ZNF687: variants seen among roughly 807,000 people sequenced by gnomAD.
The protein encoded by ZNF687 is zinc finger protein 687.
ZNF687 carries 13 observed loss-of-function variants against 71.8 expected under a neutral mutation model. The observed-to-expected ratio is 0.18, with a 90% CI of 0.12 to 0.29. The LOEUF is 0.29. ZNF687 is among the 10% of genes least tolerant of loss of function. ZNF687 has a pLI of 1.00. For missense variants in ZNF687, 1,412 were observed against 1,625.6 expected (o/e 0.87, Z 2.26); for synonymous variants, 673 against 641.6 (o/e 1.05, Z -0.74).
rs1694027960 is a variant in ZNF687 at position 151,287,985 on chromosome 1, A to G, written c.1694A>G (p.His565Arg). 6.2e-7 allele frequency: 1 copy of G among 1,613,924 alleles called. No individual in the cohort carries two copies. The highest frequency in any genetic ancestry group is 1.1e-5 in the South Asian group (1 of 91,078). The change falls in exon 2 of 9, where the codon CAC becomes CGC. Residue 565 changes from histidine to arginine, a missense_variant. Transcript: ENST00000336715. This position sits in a 1 kb window ranked among gnomAD's most constrained non-coding sequence, Gnocchi z 5.0. ...RSMRIEVTCN[H>R]CARRLVFFNK... ...ATGCGCATCGAGGTCACCTGCAACC[A>G]CTGCGCCCGCCGCCTGGTCTTCTTC...
At chr1:151,284,799 TGTC>T (rs1248708935) in intron 1 of ZNF687, among the ~76,000 whole-genome samples, 11 of 145,420 alleles carry the variant, frequency 7.6e-5, no homozygotes, top group South Asian at 2.2e-4. Flanking sequence ...TGCCTTGTCT[TGTC>T]TTTTTTTTTT....
Position 151,290,729 on chromosome 1 carries a change from ACGC to A in ZNF687, c.3239_3241del (p.Arg1080del), listed in dbSNP as rs1213049598. 1 of 1,603,776 alleles carries A rather than the reference ACGC, an allele frequency of 6.2e-7. No homozygotes were observed. Among genetic ancestry groups the A allele is most frequent in the Admixed American group, 1.7e-5 (1 of 58,850 alleles). On this transcript the variant is annotated inframe_deletion, in exon 9 of 9. Transcript: ENST00000336715. Reference sequence around the variant, plus strand: ...CTTTTCTTCAGGGGCCAGGTCGGAAACGCCGCCAGTCTTCTGACTCTTGCAGTG... The same window carrying A: ...CTTTTCTTCAGGGGCCAGGTCGGAAACGCCAGTCTTCTGACTCTTGCAGTG...
chr1:151,281,998 T>C, upstream of ZNF687: 1 of 1,234,734 alleles, frequency 8.1e-7, no homozygotes, highest in South Asian at 1.3e-5. Context: ...CTGGCTTCTT[T>C]CTAAGCGACA....
chr1:151,288,794 C>A, intron 3 of ZNF687, 88 bp downstream of exon 3: 1 of 1,396,428 alleles, frequency 7.2e-7, no homozygotes, highest in Non-Finnish European at 9.8e-7. Context: ...CCCTATCTTC[C>A]CTGCTATATC....
chr1:151,288,974 C>A, intron 3 of ZNF687, 121 bp from the exon 4 acceptor site: 1 of 1,154,904 alleles, frequency 8.7e-7, no homozygotes. Flanking sequence ...CCACCCTGCT[C>A]ATGCTCCACT....
At chr1:151,284,028 G>A (rs1557766358) in intron 1 of ZNF687, 1 of 985,426 alleles carries the variant, frequency 1.0e-6, no homozygotes, top group Non-Finnish European at 1.2e-6. Context: ...CTCTGAGCTG[G>A]CCTGCTTGTT....
At chr1:151,288,795 C>T (rs993617024) in intron 3 of ZNF687, 89 bp downstream of exon 3, 2 of 1,398,242 alleles carry the variant, frequency 1.4e-6, no homozygotes, top group Admixed American at 4.2e-5. Context: ...CCTATCTTCC[C>T]TGCTATATCC....
At chr1:151,284,230 C>A (rs951692028) in intron 1 of ZNF687, 1 of 985,152 alleles carries the variant, frequency 1.0e-6, no homozygotes, top group Non-Finnish European at 1.2e-6. Context: ...GGGAGCCTGG[C>A]TTTTTCCCAC....
intron 1 of ZNF687, chr1:151,283,798 C>T (rs1693833655): frequency 1.0e-6 from 1 of 984,954 alleles, no homozygotes; most frequent in Non-Finnish European, 1.2e-6. Flanking sequence ...TTTGGTTTTG[C>T]CCCCACCCCA....
chr1:151,282,486 T>G, intron 1 of ZNF687, 91 bp downstream of exon 1: 5 of 888,080 alleles, frequency 5.6e-6, no homozygotes, highest in Non-Finnish European at 5.4e-6. Flanking sequence ...CTTGGTCAAC[T>G]ACCCCCTTCT....
chr1:151,283,278 C>T (rs753649162), intron 1 of ZNF687: 1 of 985,340 alleles, frequency 1.0e-6, no homozygotes, highest in Non-Finnish European at 1.2e-6. Context: ...CCGCCAGCCC[C>T]TCGCCCTCCT....
rs753652666 is a variant in ZNF687 at position 151,289,544 on chromosome 1, C to T, written c.2634+4C>T. The stretch of plus-strand genomic sequence containing the variant: ...GACCATGCTGGAACATCTCAAGGTA[C>T]AGGAGCAGAGGGATGGGGAATGGGT... On this transcript the variant is annotated splice_donor_region_variant and intron_variant, in intron 5 of 8. Transcript: ENST00000336715. The T allele has an allele frequency of 1.2e-6, 2 of 1,613,968 alleles. No homozygotes were observed. Among genetic ancestry groups the T allele is most frequent in the Non-Finnish European group, 8.5e-7 (1 of 1,180,054 alleles).
At chr1:151,290,392 G>C (rs1694175524) in intron 7 of ZNF687, 40 bp from the exon 8 acceptor site, 1 of 1,613,358 alleles carries the variant, frequency 6.2e-7, no homozygotes, top group African/African-American at 1.3e-5. Flanking sequence ...CTGGCCTTCG[G>C]GCTGTGCCGC....
chr1:151,288,202 G>T lies in ZNF687; in HGVS notation c.1911G>T (p.Glu637Asp), dbSNP rs747808064. The T allele has an allele frequency of 6.2e-7, 1 of 1,613,794 alleles. No individual in the cohort carries two copies. Among genetic ancestry groups the T allele is most frequent in the Non-Finnish European group, 8.5e-7 (1 of 1,179,974 alleles). The change falls in exon 2 of 9, where the codon GAG becomes GAT. Residue 637 changes from glutamate (E) to aspartate (D), a missense_variant. Around this residue, in one of 8 missense-constraint regions of ZNF687, gnomAD observed 207 missense variants for 239.2 expected, o/e 0.87. Coordinates refer to ENST00000336715, the MANE Select transcript of ZNF687 (RefSeq NM_020832.3). ...PLALPALGKG[E>D]GAITSSAITT... ...CCTTGCCTGCCTTGGGCAAGGGTGA[G>T]GGGGCCATCACCTCCTCTGCCATTA...
chr1:151,290,192 T>G lies in ZNF687; in HGVS notation c.3035T>G (p.Val1012Gly). 1 of 1,614,040 alleles carries G rather than the reference T, an allele frequency of 6.2e-7. No homozygotes were observed. Among genetic ancestry groups the G allele is most frequent in the Admixed American group, 1.7e-5 (1 of 60,036 alleles). Residue 1012 changes from valine (V) to glycine (G), a missense_variant, in exon 7 of 9, where the codon GTC becomes GGC. Val to Gly is a moderately radical substitution (Grantham distance 109). Around this residue, in one of 8 missense-constraint regions of ZNF687, gnomAD observed 284 missense variants for 359.2 expected, o/e 0.79. Transcript: ENST00000336715. Reference sequence around the variant, plus strand: ...TCCGCCCCCAGCCTGAGGCGCCATGTCAGAGTTAATCACGAGGGCATCAAG... The same window carrying G: ...TCCGCCCCCAGCCTGAGGCGCCATGGCAGAGTTAATCACGAGGGCATCAAG... ...FCSAPSLRRH[V>G]RVNHEGIKRV...
intron 1 of ZNF687, chr1:151,283,290 T>C (rs1693804081): frequency 8.1e-6 from 8 of 985,300 alleles, no homozygotes; most frequent in African/African-American, 1.7e-5. Context: ...CGCCCTCCTC[T>C]GCGCTGCAGG....
In ZNF687 at chr1:151,289,851, G is replaced by GC. The variant is rs749403447; in HGVS notation, c.2815dup (p.Arg939ProfsTer36). The GC allele has an allele frequency of 1.7e-5, 27 of 1,567,684 alleles. No homozygotes were observed. The highest frequency in any genetic ancestry group is 8.7e-6 in the Non-Finnish European group (10 of 1,155,748). ...AGGAGGAAGTACCCAGCTCCCCTGA[G>GC]CCCCCCCGTCCAGCCAAACGGCCTC... On this transcript the variant is annotated frameshift_variant, in exon 6 of 9. Transcript: ENST00000336715. LOFTEE classifies it high-confidence loss of function.
rs759731527 is a variant in ZNF687, at chr1:151,289,693, G to A, written c.2650G>A (p.Gly884Arg). ...LEHLKNTHQS[G>R]RLEETAGKGA... ...CCTCTCACAGAACACCCATCAGTCT[G>A]GGCGCTTGGAGGAGACTGCTGGGAA... The change falls in exon 6 of 9, where the codon GGG becomes AGG. Residue 884 changes from glycine (G) to arginine (R), a missense_variant. Coordinates refer to ENST00000336715, the MANE Select transcript of ZNF687 (RefSeq NM_020832.3). 2.5e-6 allele frequency: 4 copies of A among 1,568,732 alleles called. No individual in the cohort carries two copies. In the African/African-American group the frequency reaches 5.4e-5, roughly 21 times the overall value.
At chr1:151,290,054 G>A in intron 6 of ZNF687, 47 bp downstream of exon 6, 1 of 1,607,360 alleles carries the variant, frequency 6.2e-7, no homozygotes, top group Non-Finnish European at 8.5e-7. Flanking sequence ...GCAGCATTGG[G>A]ACTGCCAGTG....
Sources: allele counts gnomAD v4.1 joint callset (sites outside exome capture counted in the v4.1 genomes callset), GRCh38; gene constraint gnomAD v4.1.1; regional missense constraint gnomAD v4.1.1; non-coding constraint Gnocchi (gnomAD v3.1); transcripts MANE v1.5; gene names NCBI Gene and HGNC (gene_info 2026-07-23, HGNC 2026-07-21).